Variants in KALRN observed in about 807,000 individuals in gnomAD.
KALRN encodes the protein kalirin.
In KALRN, 70 loss-of-function variants were observed where a neutral mutation model predicts 353.7. The observed-to-expected ratio is 0.20, with a 90% CI of 0.16 to 0.24. The LOEUF (loss-of-function observed/expected upper bound fraction) is 0.24. Among genes scored for constraint, KALRN ranks in the 10% least tolerant of loss-of-function variants. KALRN has a pLI of 1.00. For missense variants in KALRN, 2,791 were observed against 3,756.7 expected (o/e 0.74, Z 6.72); for synonymous variants, 1,391 against 1,434.8 (o/e 0.97, Z 0.69).
At chr3:124,250,077 T>TGTGGC (rs2070910621) in intron 3 of KALRN, among the ~76,000 whole-genome samples, 1 of 152,066 alleles carries the variant, frequency 6.6e-6, no homozygotes, top group African/African-American at 2.4e-5. Context: ...GGTGGCTTTG[T>TGTGGC]GTGGCGTGTT....
chr3:124,347,288 G>C (rs2082354624), intron 10 of KALRN, 23 bp downstream of exon 10: 1 of 1,376,922 alleles, frequency 7.3e-7, no homozygotes, highest in Non-Finnish European at 9.9e-7. Flanking sequence ...GTGTGTGTGT[G>C]TGTGTGTGTG....
chr3:124,159,033 C>T (rs1375780471), intron 1 of KALRN, among the ~76,000 whole-genome samples: 1 of 152,140 alleles, frequency 6.6e-6, no homozygotes, highest in African/African-American at 2.4e-5. Flanking sequence ...ACAACCTTAT[C>T]ACTGATAAAG....
At chr3:124,181,167 C>G (rs1003405883) in intron 1 of KALRN, among the ~76,000 whole-genome samples, 1 of 149,268 alleles carries the variant, frequency 6.7e-6, no homozygotes, top group Non-Finnish European at 1.5e-5. Flanking sequence ...ATGAGAATCA[C>G]TTGAACCTGG....
intron 1 of KALRN, among the ~76,000 whole-genome samples, chr3:124,204,631 G>A (rs2076250512): frequency 1.3e-5 from 2 of 152,102 alleles, no homozygotes; most frequent in South Asian, 4.2e-4. Context: ...CTTTGGCTTT[G>A]GAATTCATCA....
chr3:124,571,906 G>T (rs145115089), intron 34 of KALRN, among the ~76,000 whole-genome samples: 2 of 151,592 alleles, frequency 1.3e-5, no homozygotes, highest in Admixed American at 1.3e-4. Context: ...GGGATTACAG[G>T]TGTGAGCCAC....
At chr3:124,632,382 C>T (rs3816201) in intron 34 of KALRN, 38 bp from the exon 35 acceptor site, 5 of 1,602,586 alleles carry the variant, frequency 3.1e-6, no homozygotes, top group East Asian at 2.2e-5. Context: ...CCTGCCTTCA[C>T]CACCTCTGAC....
intron 10 of KALRN, among the ~76,000 whole-genome samples, chr3:124,375,697 ATTG>A (rs2086494472): frequency 6.6e-6 from 1 of 152,192 alleles, no homozygotes; most frequent in Admixed American, 6.5e-5. Flanking sequence ...AAGGTATTTT[ATTG>A]TTGTTGTTAT....
At chr3:124,278,473 G>GTA (rs2075006302) in intron 5 of KALRN, among the ~76,000 whole-genome samples, 1 of 150,690 alleles carries the variant, frequency 6.6e-6, no homozygotes, top group Non-Finnish European at 1.5e-5. Context: ...GTGTGTGTGT[G>GTA]TGTGTGTGTG....
chr3:124,183,166 T>C (rs189316504), intron 1 of KALRN, among the ~76,000 whole-genome samples: 139 of 152,318 alleles, frequency 9.1e-4, no homozygotes, highest in Non-Finnish European at 1.3e-3. Flanking sequence ...TTAGGGCACA[T>C]GGAGAGAGAC....
intron 10 of KALRN, among the ~76,000 whole-genome samples, chr3:124,364,978 A>G (rs1241393840): frequency 6.6e-6 from 1 of 152,098 alleles, no homozygotes; most frequent in Non-Finnish European, 1.5e-5. Flanking sequence ...TTGGCTCAAA[A>G]AGTCACTTCC....
At chr3:124,655,538 TAAGTG>T in intron 38 of KALRN, 58 bp from the exon 39 acceptor site, 3 of 1,348,358 alleles carry the variant, frequency 2.2e-6, no homozygotes, top group South Asian at 1.2e-5. Context: ...TCTGTGAACT[TAAGTG>T]AAGATTTTTG....
chr3:124,591,026 T>A (rs1202423086), intron 34 of KALRN, among the ~76,000 whole-genome samples: 1 of 152,222 alleles, frequency 6.6e-6, no homozygotes, highest in East Asian at 1.9e-4. Context: ...GTAGAGATAG[T>A]ACCCAAACTC....
intron 6 of KALRN, among the ~76,000 whole-genome samples, chr3:124,305,541 C>T (rs536979811): frequency 1.3e-5 from 2 of 152,230 alleles, no homozygotes; most frequent in Admixed American, 6.5e-5. Context: ...AAAAATCAAA[C>T]CTGGTACAAG....
At chr3:124,158,001 CTCT>C (rs749565932) in intron 1 of KALRN, among the ~76,000 whole-genome samples, 8 of 152,188 alleles carry the variant, frequency 5.3e-5, no homozygotes, top group Non-Finnish European at 1.2e-4. Context: ...TCAGAGTCAG[CTCT>C]TCTTCTGCTC....
rs2150595129 is a variant in KALRN at position 124,693,947 on chromosome 3, A to G, written c.7405+116A>G. The G allele has an allele frequency of 5.5e-6, 4 of 727,262 alleles. No homozygotes were observed. In the South Asian group the frequency reaches 8.1e-5, roughly 15 times the overall value. The allele number at this position is 727,262 out of a possible 1,614,324, so 45.1% of individuals were successfully genotyped here. On this transcript the variant is annotated intron_variant, in intron 52 of 59. Coordinates refer to ENST00000682506, the MANE Select transcript of KALRN (RefSeq NM_001388419.1). ...GTGATATAGTTCTGTATCAATGGAC[A>G]AGGAAAGAGGTTTATGATAAATTAT...
At chr3:124,119,465 A>G (rs2063763746) in intron 1 of KALRN, among the ~76,000 whole-genome samples, 1 of 152,224 alleles carries the variant, frequency 6.6e-6, no homozygotes, top group South Asian at 2.1e-4. Context: ...GATTTCTGTT[A>G]TTTCTCTGAA....
intron 34 of KALRN, among the ~76,000 whole-genome samples, chr3:124,613,170 A>G (rs543145609): frequency 6.7e-6 from 1 of 148,548 alleles, no homozygotes; most frequent in African/African-American, 2.5e-5. Flanking sequence ...CCAGATGTAT[A>G]GTATTTGGCA....
rs2062115076 is a variant in KALRN at position 124,697,619 on chromosome 3, A to G, written c.7726A>G (p.Ile2576Val). ...QGVPAAPNRPIAQERSCTSVI... is the reference protein window; with the variant it reads ...QGVPAAPNRPVAQERSCTSVI... Reference sequence around the variant, plus strand: ...TGTTCCAGCAGCCCCTAACCGCCCCATTGCCCAGGAGAGAAGCTGCACCTC... The same window carrying G: ...TGTTCCAGCAGCCCCTAACCGCCCCGTTGCCCAGGAGAGAAGCTGCACCTC... The change falls in exon 55 of 60, where the codon ATT becomes GTT. Residue 2576 changes from isoleucine (I) to valine (V), a missense_variant. By Grantham distance (29) the Ile-to-Val change is conservative (BLOSUM62 3). Transcript: ENST00000682506. 6.2e-7 allele frequency: 1 copy of G among 1,611,064 alleles called. No individual in the cohort carries two copies. Among genetic ancestry groups the G allele is most frequent in the Non-Finnish European group, 8.5e-7 (1 of 1,179,228 alleles).
intron 6 of KALRN, among the ~76,000 whole-genome samples, chr3:124,306,845 A>G (rs1328313509): frequency 1.3e-5 from 2 of 152,216 alleles, no homozygotes; most frequent in African/African-American, 2.4e-5. Context: ...AGGACAACAT[A>G]TTAAAAAGTG....
Sources: allele counts gnomAD v4.1 joint callset (sites outside exome capture counted in the v4.1 genomes callset), GRCh38; gene constraint gnomAD v4.1.1; transcripts MANE v1.5; gene names NCBI Gene and HGNC (gene_info 2026-07-23, HGNC 2026-07-21).